Variants in MAPK14 observed in about 807,000 individuals in gnomAD.
The protein encoded by MAPK14 is CSAID-binding protein.
Under a neutral mutation model 49.6 loss-of-function variants are expected in MAPK14, and 16 were observed. The observed-to-expected ratio is 0.32, with a 90% CI of 0.22 to 0.49. MAPK14 has a LOEUF of 0.49. MAPK14 is among the 20% of genes least tolerant of loss of function. MAPK14 has a pLI of 0.99. For missense variants in MAPK14, 200 were observed against 441.2 expected (o/e 0.45, Z 4.90); for synonymous variants, 142 against 158.0 (o/e 0.90, Z 0.76).
At chr6:36,030,129 C>T (rs1762482073) in intron 1 of MAPK14, among the ~76,000 whole-genome samples, 1 of 151,982 alleles carries the variant, frequency 6.6e-6, no homozygotes, top group Non-Finnish European at 1.5e-5. Flanking sequence ...AGTGATACAG[C>T]AGAATAACTC....
chr6:36,095,849 A>G, intron 8 of MAPK14, 138 bp from the exon 9 acceptor site: 1 of 604,828 alleles, frequency 1.7e-6, no homozygotes, highest in Non-Finnish European at 2.9e-6. Flanking sequence ...ACCTAGAGGG[A>G]TTCACCGTGT....
At chr6:36,052,582 G>T in intron 1 of MAPK14, 117 bp from the exon 2 acceptor site, 1 of 866,344 alleles carries the variant, frequency 1.2e-6, no homozygotes, top group South Asian at 3.0e-5. Context: ...TTATCTTTAT[G>T]CTTTTTTTTG....
chr6:36,106,971 A>ACAGTTTGACTACACTGGTAG (rs1339102418), intron 10 of MAPK14, among the ~76,000 whole-genome samples: 6 of 152,158 alleles, frequency 3.9e-5, no homozygotes, highest in African/African-American at 1.2e-4. Context: ...TTTGTTTTAT[A>ACAGTTTGACTACACTGGTAG]CAGTTTGACT....
Position 36,073,673 on chromosome 6 carries a change from CT to C in MAPK14, c.418-12del. 6.2e-7 allele frequency: 1 copy of C among 1,607,810 alleles called. No individual in the cohort carries two copies. The highest frequency in any genetic ancestry group is 8.5e-7 in the Non-Finnish European group (1 of 1,176,480). On this transcript the variant is annotated splice_polypyrimidine_tract_variant and intron_variant, in intron 4 of 11. Coordinates refer to ENST00000229794, the MANE Select transcript of MAPK14 (RefSeq NM_139012.3). ...AATAGAAGGTTGGAGGTAACTTTGA[CT>C]TTTTTCTCTTTTGCAGTATATACAT...
intron 9 of MAPK14, chr6:36,097,421 G>A (rs969407972): frequency 3.9e-4 from 60 of 152,274 alleles, no homozygotes; most frequent in African/African-American, 1.2e-3. Flanking sequence ...TTTATGATAT[G>A]TAGAAGCTGA....
intron 1 of MAPK14, among the ~76,000 whole-genome samples, chr6:36,048,605 G>A (rs151215820): frequency 6.6e-6 from 1 of 152,338 alleles, no homozygotes; most frequent in Non-Finnish European, 1.5e-5. Context: ...GTCTTTTGGA[G>A]GTGAAAACCA....
intron 3 of MAPK14, among the ~76,000 whole-genome samples, chr6:36,063,681 T>G (rs898663282): frequency 6.6e-6 from 1 of 152,164 alleles, no homozygotes; most frequent in Non-Finnish European, 1.5e-5. Flanking sequence ...AGACTATACC[T>G]TTGAGAAAGG....
intron 8 of MAPK14, among the ~76,000 whole-genome samples, chr6:36,091,774 C>T (rs1765239660): frequency 6.7e-6 from 1 of 149,020 alleles, no homozygotes; most frequent in Admixed American, 6.7e-5. Context: ...TATGGTCATT[C>T]TGTGTTTTGA....
rs1268211386 is a variant in MAPK14 at position 36,060,920 on chromosome 6, A to G, written c.305+1573A>G. Among the ~76,000 whole-genome samples the G allele has an allele frequency of 2.6e-5, 4 of 152,192 alleles. No homozygotes were observed. The East Asian group carries it at 7.7e-4, about 29-fold the overall frequency. The stretch of plus-strand genomic sequence containing the variant: ...GATCCTGCTAATGAAAGTTTAAGAA[A>G]CAAAGGAAAAAAATAGCCAATAACT... On this transcript the variant is annotated intron_variant, in intron 3 of 11. Coordinates refer to ENST00000229794, the MANE Select transcript of MAPK14 (RefSeq NM_139012.3).
At chr6:36,030,611 C>T (rs80028505) in intron 1 of MAPK14, among the ~76,000 whole-genome samples, 18,049 of 146,766 alleles carry the variant, frequency 0.12, 1,196 homozygotes, top group African/African-American at 0.19. Flanking sequence ...GATTTGAACC[C>T]GGGAGGCGGA....
intron 8 of MAPK14, among the ~76,000 whole-genome samples, chr6:36,089,620 T>C (rs1765138326): frequency 6.6e-6 from 1 of 152,228 alleles, no homozygotes; most frequent in Admixed American, 6.5e-5. Context: ...AAATTATTCT[T>C]GTTTGTGACT....
intron 1 of MAPK14, among the ~76,000 whole-genome samples, chr6:36,044,661 G>T (rs1763102431): frequency 6.6e-6 from 1 of 151,644 alleles, no homozygotes; most frequent in Admixed American, 6.6e-5. Context: ...GATCGCCTGA[G>T]GCCAGGAGTT....
intron 1 of MAPK14, among the ~76,000 whole-genome samples, chr6:36,036,346 G>A (rs1321647170): frequency 1.3e-5 from 2 of 152,086 alleles, no homozygotes; most frequent in African/African-American, 4.8e-5. Flanking sequence ...TGCTGTTGGG[G>A]AAGATGCTTA....
rs9470219 is a variant in MAPK14 at position 36,107,442 on chromosome 6, A to C, written c.842-13A>C. ...TTAAAAACTCTTTTCCTTCCTGTCT[A>C]TGGTACTGATAGCTGTCGACTTGCT... On this transcript the variant is annotated splice_polypyrimidine_tract_variant and intron_variant, in intron 10 of 11. Coordinates refer to ENST00000229794, the MANE Select transcript of MAPK14 (RefSeq NM_139012.3). This position sits in a 1 kb window ranked among gnomAD's most constrained non-coding sequence, Gnocchi z 4.3. 0.52 allele frequency: 774,539 copies of C among 1,502,236 alleles called. 207,265 individuals carry two copies. The highest frequency in any genetic ancestry group is 0.65 in the South Asian group (46,811 of 72,542). The allele number at this position is 1,502,236 out of a possible 1,614,324, so 93.1% of individuals were successfully genotyped here.
chr6:36,028,477 A>G lies in MAPK14; in HGVS notation c.116+204A>G, dbSNP rs1232393209. Among the ~76,000 whole-genome samples, 1 of 152,212 alleles carries G rather than the reference A, an allele frequency of 6.6e-6. No individual in the cohort carries two copies. Among genetic ancestry groups the G allele is most frequent in the African/African-American group, 2.4e-5 (1 of 41,470 alleles). On this transcript the variant is annotated intron_variant, in intron 1 of 11. Coordinates refer to ENST00000229794, the MANE Select transcript of MAPK14 (RefSeq NM_139012.3). This position sits in a 1 kb window ranked among gnomAD's most constrained non-coding sequence, Gnocchi z 5.1. ...CGCAGGTATGCGGTCCACCGTGTGC[A>G]GCACTCAGGTCCGCTGCGAGAGGTA...
chr6:36,052,930 T>C (rs563987436), intron 2 of MAPK14, 102 bp downstream of exon 2: 5 of 1,029,164 alleles, frequency 4.9e-6, no homozygotes, highest in South Asian at 3.4e-5. Context: ...GCATCAAACG[T>C]TGGTCCCTGC....
intron 10 of MAPK14, 133 bp downstream of exon 10, chr6:36,102,782 C>G: frequency 6.8e-7 from 1 of 1,473,486 alleles, no homozygotes; most frequent in Non-Finnish European, 9.1e-7. Flanking sequence ...ATAAATACGG[C>G]TTTTATTATC....
chr6:36,121,463 GC>G, the MAPK14 span, among the ~76,000 whole-genome samples: 1 of 152,168 alleles, frequency 6.6e-6, no homozygotes, highest in Non-Finnish European at 1.5e-5. Flanking sequence ...GGATCCGGGT[GC>G]CCCCTGGCTT....
chr6:36,081,772 CA>C (rs772461601), intron 8 of MAPK14, among the ~76,000 whole-genome samples: 2 of 150,976 alleles, frequency 1.3e-5, no homozygotes, highest in East Asian at 3.9e-4. Flanking sequence ...TCTATTTCTG[CA>C]AAAAAAAGGC....
Sources: allele counts gnomAD v4.1 joint callset (sites outside exome capture counted in the v4.1 genomes callset), GRCh38; gene constraint gnomAD v4.1.1; non-coding constraint Gnocchi (gnomAD v3.1); transcripts MANE v1.5; gene names NCBI Gene and HGNC (gene_info 2026-07-23, HGNC 2026-07-21).